CEP55: variants seen among roughly 807,000 people sequenced by gnomAD.
CEP55 encodes the protein centrosomal protein of 55 kDa.
A neutral mutation model predicts 63.2 loss-of-function variants in CEP55; 57 were observed. That is an observed-to-expected ratio of 0.90 (90% CI 0.73 to 1.13). The LOEUF is 1.13. Among genes scored for constraint, CEP55 ranks in the 50% most tolerant of loss-of-function variants. The pLI is 0.00. For synonymous variants in CEP55, 178 were observed against 191.6 expected (o/e 0.93, Z 0.59); for missense variants, 456 against 518.9 (o/e 0.88, Z 1.18).
chr10:93,503,069 T>A, intron 2 of CEP55, 44 bp from the exon 3 acceptor site: 1 of 1,556,968 alleles, frequency 6.4e-7, no homozygotes, highest in Non-Finnish European at 8.7e-7. Context: ...TAGCTAGATG[T>A]TTGACCTGGC....
chr10:93,506,154 G>C (rs2134463406), intron 3 of CEP55, among the ~76,000 whole-genome samples: 1 of 152,270 alleles, frequency 6.6e-6, no homozygotes, highest in African/African-American at 2.4e-5. Flanking sequence ...TATTGGCCAG[G>C]CTGGTCTCAA....
At chr10:93,513,373 C>T (rs1401644365) in intron 4 of CEP55, among the ~76,000 whole-genome samples, 1 of 152,316 alleles carries the variant, frequency 6.6e-6, no homozygotes, top group East Asian at 1.9e-4. Context: ...CTTAGAGAAA[C>T]TCTCTAGACT....
At position 93,528,627 on chromosome 10, in the gene CEP55, T is replaced by C. The variant is rs2057949285; in HGVS notation, c.*474T>C. 6.3e-6 allele frequency: 1 copy of C among 159,292 alleles called. No individual in the cohort carries two copies. The highest frequency in any genetic ancestry group is 1.8e-4 in the South Asian group (1 of 5,472). 9.9% of individuals were successfully genotyped at this position (159,292 alleles called of 1,614,324 possible). A position where few individuals can be genotyped will look rare whatever the true frequency, so the allele number is the denominator to read the frequency against. On this transcript the variant is annotated 3_prime_UTR_variant, in exon 9 of 9. Coordinates refer to ENST00000371485, the MANE Select transcript of CEP55 (RefSeq NM_018131.5). ...TTAAGAGGTGGTGATAGATACTATT[T>C]TTTTTTTCATATTGTATAGCGGTTA... is the stretch of plus-strand genomic sequence containing the variant.
In CEP55 at chr10:93,496,835, G is replaced by A. The variant is rs984090577; in HGVS notation, c.-101G>A. 22 of 152,328 alleles carry A rather than the reference G, an allele frequency of 1.4e-4. No individual in the cohort carries two copies. The highest frequency in any genetic ancestry group is 5.3e-4 in the African/African-American group (22 of 41,478). 9.4% of individuals were successfully genotyped at this position (152,328 alleles called of 1,614,324 possible). A position where few individuals can be genotyped will look rare whatever the true frequency, so the allele number is the denominator to read the frequency against. ...TCAATCTCTGCCCGCTCTGATAACA[G>A]TCCTTTTCCCTGGCGCTCACTTCGT... On this transcript the variant is annotated 5_prime_UTR_variant, in exon 1 of 9. Transcript: ENST00000371485.
chr10:93,516,859 G>A (rs2057808126), intron 5 of CEP55, 76 bp from the exon 6 acceptor site: 17 of 995,810 alleles, frequency 1.7e-5, no homozygotes, highest in Admixed American at 2.5e-5. Flanking sequence ...GATTCATTTA[G>A]ATGTTTGATG....
intron 4 of CEP55, among the ~76,000 whole-genome samples, chr10:93,513,945 C>G (rs1589653416): frequency 1.3e-5 from 2 of 151,170 alleles, no homozygotes; most frequent in South Asian, 2.1e-4. Flanking sequence ...AAGCCTCCCC[C>G]TCCCCTTTTT....
rs897709215 is a variant in CEP55 at position 93,496,631 on chromosome 10, C to T, written c.-305C>T. 2 of 152,252 alleles carry T rather than the reference C, an allele frequency of 1.3e-5. No individual in the cohort carries two copies. The highest frequency in any genetic ancestry group is 3.9e-4 in the East Asian group (2 of 5,192). 9.4% of individuals were successfully genotyped at this position (152,252 alleles called of 1,614,324 possible). A position where few individuals can be genotyped will look rare whatever the true frequency, so the allele number is the denominator to read the frequency against. ...GGATTCAAACTCCCGGAAGCGGCAT[C>T]CACACCTGATGGTGTGACTCGGCCG... On this transcript the variant is annotated 5_prime_UTR_variant, in exon 1 of 9. Coordinates refer to ENST00000371485, the MANE Select transcript of CEP55 (RefSeq NM_018131.5).
At chr10:93,518,255 T>A (rs998503870) in intron 6 of CEP55, among the ~76,000 whole-genome samples, 4 of 152,148 alleles carry the variant, frequency 2.6e-5, no homozygotes, top group African/African-American at 9.7e-5. Flanking sequence ...CTTCAAGTGA[T>A]TCTTGTGCCT....
Position 93,499,624 on chromosome 10 carries a change from C to T in CEP55, c.-12-416C>T, listed in dbSNP as rs138871236. On this transcript the variant is annotated intron_variant, in intron 1 of 8. Coordinates refer to ENST00000371485, the MANE Select transcript of CEP55 (RefSeq NM_018131.5). ...GCAACCTCCACCTCCCGGGCTCAAG[C>T]GATTCTCCTGCCTCAGCCTCCCCAG... is the stretch of plus-strand genomic sequence containing the variant. 3.4e-3 allele frequency among the ~76,000 whole-genome samples: 519 copies of T among 150,560 alleles called. 4 individuals are homozygous for T. The highest frequency in any genetic ancestry group is 0.012 in the African/African-American group (489 of 40,916).
At chr10:93,522,443 G>T (rs1441976530) in intron 8 of CEP55, among the ~76,000 whole-genome samples, 1 of 152,214 alleles carries the variant, frequency 6.6e-6, no homozygotes, top group African/African-American at 2.4e-5. Flanking sequence ...TGTGTGAAAA[G>T]ACCAAATCTA....
chr10:93,500,208 G>C lies in CEP55; in HGVS notation c.157G>C (p.Asp53His). ...CACAAGTGGGAAAGGAAAGCTGACT[G>C]ATAAAGAGAGACACAGACTTTTGGA... ...EITSGKGKLT[D>H]KERHRLLEKI... The change falls in exon 2 of 9, where the codon GAT becomes CAT. Residue 53 changes from aspartate to histidine, a missense_variant. By Grantham distance (81) the Asp-to-His change is moderately conservative. Coordinates refer to ENST00000371485, the MANE Select transcript of CEP55 (RefSeq NM_018131.5). 13 of 1,612,366 alleles carry C rather than the reference G, an allele frequency of 8.1e-6. No individual in the cohort carries two copies. The highest frequency in any genetic ancestry group is 1.1e-5 in the Non-Finnish European group (13 of 1,179,540).
intron 8 of CEP55, 61 bp from the exon 9 acceptor site, chr10:93,527,886 GAAA>G: frequency 8.6e-7 from 1 of 1,156,206 alleles, no homozygotes; most frequent in Non-Finnish European, 1.2e-6. Flanking sequence ...CTCAAAAAAA[GAAA>G]AAAAAAAAGC....
intron 7 of CEP55, 101 bp downstream of exon 7, chr10:93,519,049 A>C: frequency 1.2e-6 from 1 of 852,330 alleles, no homozygotes; most frequent in Non-Finnish European, 1.9e-6. Context: ...GAAAGTTGTG[A>C]AAAGTGTCTT....
intron 1 of CEP55, among the ~76,000 whole-genome samples, chr10:93,497,311 G>C (rs910440607): frequency 5.3e-5 from 8 of 152,112 alleles, no homozygotes; most frequent in African/African-American, 1.9e-4. Context: ...TGTCACCAAG[G>C]CTGGAGTGCA....
intron 1 of CEP55, among the ~76,000 whole-genome samples, chr10:93,498,946 T>C (rs35466781): frequency 0.014 from 2,073 of 152,296 alleles, 22 homozygotes; most frequent in Non-Finnish European, 0.023. Context: ...CATTATTTTA[T>C]CTTGGGATAC....
At chr10:93,498,014 C>T (rs1227555153) in intron 1 of CEP55, among the ~76,000 whole-genome samples, 2 of 151,938 alleles carry the variant, frequency 1.3e-5, no homozygotes, top group Non-Finnish European at 2.9e-5. Flanking sequence ...CCCAGCTACT[C>T]AGGAGGCTGA....
At position 93,524,542 on chromosome 10, in the gene CEP55, C is replaced by G. The variant is rs573848136; in HGVS notation, c.1192-3408C>G. ...GGAGCTGATACCATTCCTTCTGAAA[C>G]TATTCCAAACAATAGAAAAAAAGGG... On this transcript the variant is annotated intron_variant, in intron 8 of 8. Transcript: ENST00000371485. Among the ~76,000 whole-genome samples the G allele has an allele frequency of 3.1e-4, 47 of 152,296 alleles. 1 individual carries two copies. Among genetic ancestry groups the G allele is most frequent in the African/African-American group, 9.6e-4 (40 of 41,544 alleles).
intron 1 of CEP55, 62 bp from the exon 2 acceptor site, chr10:93,499,978 T>C (rs879563505): frequency 2.3e-5 from 27 of 1,181,476 alleles, no homozygotes; most frequent in Non-Finnish European, 2.5e-5. Flanking sequence ...ATTAGACCTG[T>C]TTCAAACTTG....
chr10:93,498,972 G>GT lies in CEP55; in HGVS notation c.-12-1062dup, dbSNP rs1352494331. Among the ~76,000 whole-genome samples the GT allele has an allele frequency of 2.0e-5, 3 of 151,658 alleles. No individual in the cohort carries two copies. The East Asian group carries it at 5.8e-4, about 29-fold the overall frequency. On this transcript the variant is annotated intron_variant, in intron 1 of 8. Transcript: ENST00000371485. ...CTTGGGATACATGAAGTAGAAAAAT[G>GT]TTTTTTAACCTCCTTAATTAGAGTT...
Sources: allele counts gnomAD v4.1 joint callset (sites outside exome capture counted in the v4.1 genomes callset), GRCh38; gene constraint gnomAD v4.1.1; transcripts MANE v1.5; gene names NCBI Gene and HGNC (gene_info 2026-07-23, HGNC 2026-07-21).